Variants in PXDNL observed in about 807,000 individuals in gnomAD.
PXDNL encodes the protein probable oxidoreductase PXDNL.
A neutral mutation model predicts 150.8 loss-of-function variants in PXDNL; 145 were observed. That is an observed-to-expected ratio of 0.96 (90% CI 0.84 to 1.10). The LOEUF (loss-of-function observed/expected upper bound fraction) is 1.10. Among genes scored for constraint, PXDNL ranks in the 50% least tolerant of loss-of-function variants. The pLI, the probability that PXDNL is intolerant of heterozygous loss-of-function variation, is 0.00. For missense variants in PXDNL, 2,087 were observed against 1,873.9 expected (o/e 1.11, Z -2.10); for synonymous variants, 757 against 725.7 (o/e 1.04, Z -0.69).
At chr8:51,421,762 C>T (rs775980859) in intron 14 of PXDNL, among the ~76,000 whole-genome samples, 45 of 152,178 alleles carry the variant, frequency 3.0e-4, no homozygotes, top group Non-Finnish European at 5.6e-4. Context: ...TTGCCGGTTA[C>T]TAAACTACAT....
intron 3 of PXDNL, among the ~76,000 whole-genome samples, chr8:51,577,923 AAAAGAAAGAAAGAAAGAAAG>A (rs1234489822): frequency 0.015 from 639 of 42,314 alleles, 24 homozygotes; most frequent in Non-Finnish European, 0.022. Context: ...GAAAAGAAAG[AAAAGAAAGAAAGAAAGAAAG>A]AAAGAAAGAA....
At chr8:51,643,459 A>T (rs1563493384) in intron 2 of PXDNL, among the ~76,000 whole-genome samples, 3 of 152,364 alleles carry the variant, frequency 2.0e-5, no homozygotes, top group Middle Eastern at 6.8e-3. Flanking sequence ...TCCCTATTTA[A>T]TAAATGGTGT....
intron 1 of PXDNL, among the ~76,000 whole-genome samples, chr8:51,808,649 C>T (rs1028062916): frequency 4.6e-4 from 70 of 152,296 alleles, no homozygotes; most frequent in African/African-American, 1.6e-3. Flanking sequence ...AAGAACTCTA[C>T]TGGACCATTT....
At chr8:51,721,748 C>A (rs1293460566) in intron 1 of PXDNL, 5 of 412,610 alleles carry the variant, frequency 1.2e-5, no homozygotes, top group Admixed American at 5.3e-5. Flanking sequence ...TCATCATCCT[C>A]TCCAGCAGCA....
Position 51,413,156 on chromosome 8 carries a change from A to G in PXDNL, c.1898T>C (p.Phe633Ser), listed in dbSNP as rs1242698437. 3 of 1,575,556 alleles carry G rather than the reference A, an allele frequency of 1.9e-6. No homozygotes were observed. Among genetic ancestry groups the G allele is most frequent in the Non-Finnish European group, 2.6e-6 (3 of 1,145,576 alleles). The change falls in exon 15 of 23, where the codon TTT becomes TCT. Residue 633 changes from phenylalanine to serine, a missense_variant. Phe to Ser is a radical substitution (Grantham distance 155). Coordinates refer to ENST00000356297, the MANE Select transcript of PXDNL (RefSeq NM_144651.5). ...SAINSTRRHL[F>S]SQKPHTSSDL... ...GTGTAAAATAAATTCTTACTGTGAA[A>G]ACAAATGTCTTCGTGTGGAGTTAAT...
At chr8:51,760,821 T>G (rs1475340112) in intron 1 of PXDNL, among the ~76,000 whole-genome samples, 2 of 147,056 alleles carry the variant, frequency 1.4e-5, no homozygotes, top group South Asian at 2.1e-4. Flanking sequence ...AGGTTCATGG[T>G]TAGCCTGAAG....
At chr8:51,777,395 C>T (rs996426380) in intron 1 of PXDNL, among the ~76,000 whole-genome samples, 1 of 152,198 alleles carries the variant, frequency 6.6e-6, no homozygotes, top group Non-Finnish European at 1.5e-5. Flanking sequence ...ATAAACTGCA[C>T]AAAAATAAAT....
At chr8:51,804,892 G>C (rs533796401) in intron 1 of PXDNL, among the ~76,000 whole-genome samples, 1 of 152,062 alleles carries the variant, frequency 6.6e-6, no homozygotes, top group African/African-American at 2.4e-5. Flanking sequence ...CCAGCCAGTG[G>C]TGCTGGCCTT....
At chr8:51,755,914 T>C (rs2037095255) in intron 1 of PXDNL, among the ~76,000 whole-genome samples, 1 of 152,186 alleles carries the variant, frequency 6.6e-6, no homozygotes, top group African/African-American at 2.4e-5. Context: ...AAAAAATAGA[T>C]TTTCCATATA....
intron 1 of PXDNL, among the ~76,000 whole-genome samples, chr8:51,684,162 T>G (rs1815821440): frequency 6.6e-6 from 1 of 152,202 alleles, no homozygotes; most frequent in African/African-American, 2.4e-5. Flanking sequence ...ATAAAGTATC[T>G]ATAATGATTT....
chr8:51,328,276 G>A (rs1805580715), intron 21 of PXDNL, among the ~76,000 whole-genome samples: 1 of 152,226 alleles, frequency 6.6e-6, no homozygotes, highest in Non-Finnish European at 1.5e-5. Flanking sequence ...CAGATGGACA[G>A]ACAGACATTT....
At chr8:51,442,759 A>T (rs920000809) in intron 12 of PXDNL, among the ~76,000 whole-genome samples, 1 of 152,108 alleles carries the variant, frequency 6.6e-6, no homozygotes, top group Non-Finnish European at 1.5e-5. Flanking sequence ...TTTGATATCT[A>T]TGATTACATT....
chr8:51,662,602 T>C (rs1225358853), intron 1 of PXDNL, among the ~76,000 whole-genome samples: 1 of 152,198 alleles, frequency 6.6e-6, no homozygotes, highest in Non-Finnish European at 1.5e-5. Context: ...TGCACAGCAC[T>C]TACCTTGTAT....
intron 17 of PXDNL, among the ~76,000 whole-genome samples, chr8:51,392,688 G>A (rs1270750519): frequency 1.3e-5 from 2 of 152,154 alleles, no homozygotes; most frequent in Admixed American, 1.3e-4. Flanking sequence ...TCTGCAAACA[G>A]GAACAATTTG....
intron 4 of PXDNL, among the ~76,000 whole-genome samples, chr8:51,549,560 T>A (rs7816253): frequency 0.36 from 55,253 of 151,902 alleles, 11,297 homozygotes; most frequent in African/African-American, 0.54. Context: ...CATGGAAATT[T>A]AAAAATCTGC....
At chr8:51,331,556 C>A (rs1220503348) in intron 21 of PXDNL, among the ~76,000 whole-genome samples, 2 of 152,126 alleles carry the variant, frequency 1.3e-5, no homozygotes, top group Non-Finnish European at 2.9e-5. Context: ...CCTTTTCTTT[C>A]GTAGCTGGGA....
chr8:51,559,528 C>A (rs1812677246), intron 3 of PXDNL, among the ~76,000 whole-genome samples: 1 of 151,902 alleles, frequency 6.6e-6, no homozygotes, highest in Non-Finnish European at 1.5e-5. Context: ...CACAATCTAC[C>A]ACAAAACCAG....
At chr8:51,669,041 T>G (rs1402695952) in intron 1 of PXDNL, among the ~76,000 whole-genome samples, 1 of 152,188 alleles carries the variant, frequency 6.6e-6, no homozygotes, top group Non-Finnish European at 1.5e-5. Context: ...CTGAAGTCAC[T>G]CAGATATTCT....
intron 1 of PXDNL, among the ~76,000 whole-genome samples, chr8:51,744,300 G>GAA (rs1300811555): frequency 2.8e-5 from 4 of 143,740 alleles, no homozygotes; most frequent in African/African-American, 1.0e-4. Context: ...AAGGAAGAAA[G>GAA]AAAGAAAGAG....
Sources: gnomAD v4.1 joint callset for allele counts (sites outside exome capture counted in the v4.1 genomes callset) on GRCh38, gnomAD v4.1.1 for gene constraint, MANE v1.5 for transcripts, NCBI Gene and HGNC (gene_info 2026-07-23, HGNC 2026-07-21) for gene names.